The following RAI14 variants were observed in gnomAD, a reference collection of about 807,000 sequenced individuals.
RAI14 encodes retinoic acid induced 14.
RAI14 carries 45 observed loss-of-function variants against 115.4 expected under a neutral mutation model. The ratio of observed to expected loss-of-function variants is 0.39; its 90% CI spans 0.31 to 0.50. The LOEUF is 0.50. RAI14 is among the 20% of genes least tolerant of loss of function. RAI14 has a pLI of 0.85. For missense variants in RAI14, 939 were observed against 1,131.2 expected (o/e 0.83, Z 2.44); for synonymous variants, 371 against 415.4 (o/e 0.89, Z 1.30).
intron 4 of RAI14, among the ~76,000 whole-genome samples, chr5:34,800,857 G>A (rs997445592): frequency 8.5e-5 from 13 of 152,186 alleles, no homozygotes; most frequent in Admixed American, 7.9e-4. Flanking sequence ...TTTGTTCACA[G>A]CAGGGACAAG....
chr5:34,817,360 G>A (rs1756379053), intron 12 of RAI14, among the ~76,000 whole-genome samples: 1 of 151,916 alleles, frequency 6.6e-6, no homozygotes, highest in Admixed American at 6.6e-5. Context: ...GATTGAGGAT[G>A]TTGCAGAACT....
rs1740284337 is a variant in RAI14, at chr5:34,703,120, TA to T, written c.36+16166del. On this transcript the variant is annotated intron_variant, in intron 2 of 17. Coordinates refer to ENST00000265109, the MANE Select transcript of RAI14 (RefSeq NM_015577.3). The stretch of plus-strand genomic sequence containing the variant: ...GTTATATCCACAGAGAGGAAAGTTT[TA>T]GAGTCATTAAAAATGTTAAGCTTAA... Among the ~76,000 whole-genome samples, 8 of 152,316 alleles carry T rather than the reference TA, an allele frequency of 5.3e-5. No homozygotes were observed. The South Asian group carries it at 1.7e-3, about 32-fold the overall frequency.
intron 5 of RAI14, among the ~76,000 whole-genome samples, chr5:34,805,602 G>A (rs1201098277): frequency 6.6e-6 from 1 of 152,218 alleles, no homozygotes; most frequent in Non-Finnish European, 1.5e-5. Context: ...CACTTTGGGA[G>A]GCTGAGGCGG....
chr5:34,712,772 C>T (rs1251164979), intron 2 of RAI14, among the ~76,000 whole-genome samples: 3 of 152,036 alleles, frequency 2.0e-5, no homozygotes, highest in Non-Finnish European at 4.4e-5. Flanking sequence ...TGTCAGGTCT[C>T]TTTATTACAG....
intron 3 of RAI14, among the ~76,000 whole-genome samples, chr5:34,759,708 T>C (rs1580162108): frequency 1.3e-5 from 2 of 152,248 alleles, no homozygotes; most frequent in Admixed American, 6.5e-5. Flanking sequence ...GTAATAATAA[T>C]AGAAATAAAA....
intron 2 of RAI14, among the ~76,000 whole-genome samples, chr5:34,712,530 C>T (rs1038196600): frequency 2.0e-5 from 3 of 152,238 alleles, no homozygotes; most frequent in South Asian, 2.1e-4. Flanking sequence ...GATTGCTTTT[C>T]GTTATACTTT....
intron 3 of RAI14, among the ~76,000 whole-genome samples, chr5:34,765,107 T>C (rs1233771515): frequency 1.3e-5 from 2 of 152,204 alleles, no homozygotes; most frequent in Non-Finnish European, 2.9e-5. Context: ...TTCTGAGGCC[T>C]CCCCAGCCAT....
At chr5:34,742,062 C>G (rs915020272) in intron 2 of RAI14, among the ~76,000 whole-genome samples, 5 of 152,130 alleles carry the variant, frequency 3.3e-5, no homozygotes, top group African/African-American at 1.2e-4. Context: ...GAAAAGAAGT[C>G]AATGCCAGGG....
intron 1 of RAI14, among the ~76,000 whole-genome samples, chr5:34,673,187 A>G (rs1267558574): frequency 1.3e-5 from 2 of 152,206 alleles, no homozygotes; most frequent in African/African-American, 2.4e-5. Flanking sequence ...AAAGAGCAGT[A>G]CTTACTTTCA....
chr5:34,701,858 A>G (rs1740119784), intron 2 of RAI14, among the ~76,000 whole-genome samples: 1 of 150,714 alleles, frequency 6.6e-6, no homozygotes, highest in African/African-American at 2.4e-5. Context: ...GTTGCCCAGC[A>G]TGGAGTGCAA....
intron 2 of RAI14, among the ~76,000 whole-genome samples, chr5:34,690,697 G>A (rs1310414811): frequency 1.3e-5 from 2 of 152,176 alleles, no homozygotes; most frequent in Admixed American, 6.5e-5. Flanking sequence ...GACATTGTCC[G>A]GTGGTTTTGA....
chr5:34,754,418 T>C (rs1314725892), intron 2 of RAI14, among the ~76,000 whole-genome samples: 2 of 152,156 alleles, frequency 1.3e-5, no homozygotes, highest in Non-Finnish European at 2.9e-5. Flanking sequence ...TTTTTATTTT[T>C]AGAGATGGCG....
rs336479 is a variant in RAI14, at chr5:34,771,729, G to T, written c.167+14131G>T. Among the ~76,000 whole-genome samples the T allele has an allele frequency of 0.014, 2,198 of 152,234 alleles. 160 individuals are homozygous for T. In the East Asian group the frequency reaches 0.2, roughly 14 times the overall value. ...GAAACCTCTCTTGCAGGCTCTGTTT[G>T]CTTCTGTGCTTGGGTTATATCCCCA... On this transcript the variant is annotated intron_variant, in intron 3 of 17. Transcript: ENST00000265109.
chr5:34,741,006 G>A (rs1745449032), intron 2 of RAI14, among the ~76,000 whole-genome samples: 4 of 152,164 alleles, frequency 2.6e-5, no homozygotes, highest in Admixed American at 2.6e-4. Context: ...TATGTGTGTA[G>A]TATTTTGATT....
At chr5:34,706,580 G>A (rs1227629523) in intron 2 of RAI14, among the ~76,000 whole-genome samples, 1 of 152,128 alleles carries the variant, frequency 6.6e-6, no homozygotes, top group Admixed American at 6.5e-5. Flanking sequence ...TGGAAGAAAT[G>A]TTTTATTTCG....
In RAI14 at chr5:34,668,911, C is replaced by A. The variant is rs1181734594; in HGVS notation, c.-49+12436C>A. Among the ~76,000 whole-genome samples the A allele has an allele frequency of 7.2e-5, 11 of 152,158 alleles. No individual in the cohort carries two copies. In the East Asian group the frequency reaches 2.1e-3, roughly 29 times the overall value. Reference sequence around the variant, plus strand: ...CTCGCTCTGTCCCCAGGCCAGAGTGCAATGGCATCATCTCGGCTCACTGCA... The same window carrying A: ...CTCGCTCTGTCCCCAGGCCAGAGTGAAATGGCATCATCTCGGCTCACTGCA... On this transcript the variant is annotated intron_variant, in intron 1 of 17. Coordinates refer to ENST00000265109, the MANE Select transcript of RAI14 (RefSeq NM_015577.3).
chr5:34,803,679 A>T (rs889719582), intron 4 of RAI14, 33 bp from the exon 5 acceptor site: 17 of 1,531,844 alleles, frequency 1.1e-5, no homozygotes, highest in Admixed American at 1.9e-5. Flanking sequence ...TGGCCTTTTT[A>T]AAAAAAATTA....
chr5:34,731,550 T>C (rs1744179602), intron 2 of RAI14, among the ~76,000 whole-genome samples: 1 of 152,236 alleles, frequency 6.6e-6, no homozygotes, highest in South Asian at 2.1e-4. Flanking sequence ...AGCCTGGATA[T>C]GTGGAGGCTG....
chr5:34,789,295 G>A lies in RAI14; in HGVS notation c.168-6644G>A, dbSNP rs973085191. On this transcript the variant is annotated intron_variant, in intron 3 of 17. Coordinates refer to ENST00000265109, the MANE Select transcript of RAI14 (RefSeq NM_015577.3). ...CTACCCACCATCATCTACATATCAG[G>A]TTCTGTCACTGACTGGTCATGTTTT... is the stretch of plus-strand genomic sequence containing the variant. Among the ~76,000 whole-genome samples, 9 of 152,284 alleles carry A rather than the reference G, an allele frequency of 5.9e-5. No individual in the cohort carries two copies. In the South Asian group the frequency reaches 8.3e-4, roughly 14 times the overall value.
Sources: allele counts gnomAD v4.1 joint callset (sites outside exome capture counted in the v4.1 genomes callset), GRCh38; gene constraint gnomAD v4.1.1; transcripts MANE v1.5; gene names NCBI Gene and HGNC (gene_info 2026-07-23, HGNC 2026-07-21).